The following CACNA1C variants were observed in gnomAD, a reference collection of about 807,000 sequenced individuals.
CACNA1C encodes voltage-dependent L-type calcium channel subunit alpha-1C.
In CACNA1C, 30 loss-of-function variants were observed where a neutral mutation model predicts 229.0. The ratio of observed to expected loss-of-function variants is 0.13; its 90% CI spans 0.10 to 0.18. The LOEUF (loss-of-function observed/expected upper bound fraction) is 0.18. Ranked by LOEUF, CACNA1C falls within the 10% of genes least tolerant of loss-of-function variation. The pLI is 1.00. For missense variants in CACNA1C, 1,658 were observed against 2,845.0 expected (o/e 0.58, Z 9.49); for synonymous variants, 1,114 against 1,132.5 (o/e 0.98, Z 0.33).
chr12:2,211,982 A>G (rs1206343489), intron 3 of CACNA1C, among the ~76,000 whole-genome samples: 1 of 151,886 alleles, frequency 6.6e-6, no homozygotes, highest in African/African-American at 2.4e-5. Context: ...CAGCCTCCCA[A>G]CGTGCTGGGA....
intron 5 of CACNA1C, among the ~76,000 whole-genome samples, chr12:2,474,646 C>A (rs2099613028): frequency 6.6e-6 from 1 of 151,772 alleles, no homozygotes; most frequent in African/African-American, 2.4e-5. Context: ...ATCCCAGTTG[C>A]TCGGGAGGCT....
chr12:2,675,730 C>A (rs988325827), intron 39 of CACNA1C, among the ~76,000 whole-genome samples: 1 of 152,160 alleles, frequency 6.6e-6, no homozygotes, highest in African/African-American at 2.4e-5. Context: ...ATGTTCCGAG[C>A]CCAGAGACTC....
chr12:2,349,945 A>G (rs2097157736), intron 3 of CACNA1C, among the ~76,000 whole-genome samples: 1 of 152,128 alleles, frequency 6.6e-6, no homozygotes, highest in Non-Finnish European at 1.5e-5. Context: ...GTATGTGTAG[A>G]TGTGGTTGCA....
At chr12:2,341,894 A>G (rs1195873189) in intron 3 of CACNA1C, among the ~76,000 whole-genome samples, 1 of 152,164 alleles carries the variant, frequency 6.6e-6, no homozygotes, top group African/African-American at 2.4e-5. Context: ...CCATCGGCAC[A>G]ACCCACATAG....
intron 1 of CACNA1C, among the ~76,000 whole-genome samples, chr12:2,023,608 CA>C (rs938177840): frequency 2.0e-5 from 3 of 152,134 alleles, no homozygotes; most frequent in African/African-American, 4.8e-5. Flanking sequence ...GCAGGTTTCA[CA>C]AAAGCAGGCA....
intron 3 of CACNA1C, among the ~76,000 whole-genome samples, chr12:2,281,392 T>A (rs1381476470): frequency 6.6e-6 from 1 of 152,192 alleles, no homozygotes; most frequent in Non-Finnish European, 1.5e-5. Flanking sequence ...TTTATGTAGA[T>A]CCACACTTCT....
Position 2,676,944 on chromosome 12 carries a change from T to C in CACNA1C, c.4829-150T>C, listed in dbSNP as rs1268992440. 4.8e-6 allele frequency: 3 copies of C among 623,736 alleles called. No homozygotes were observed. The African/African-American group carries it at 5.6e-5, about 12-fold the overall frequency. The allele number at this position is 623,736 out of a possible 1,614,324, so 38.6% of individuals were successfully genotyped here. On this transcript the variant is annotated intron_variant, in intron 39 of 46. Transcript: ENST00000399655. ...GACCATAAGCCTTTTTATGGTTTTT[T>C]TTCTCTCTTTTTAAGCCATGTGAAT...
At chr12:2,442,967 G>C (rs1246168365) in intron 3 of CACNA1C, among the ~76,000 whole-genome samples, 3 of 152,170 alleles carry the variant, frequency 2.0e-5, no homozygotes, top group African/African-American at 7.2e-5. Context: ...TCTAGGTGAA[G>C]TTATGCTCAA....
At chr12:2,214,454 C>T (rs181252168) in intron 3 of CACNA1C, among the ~76,000 whole-genome samples, 74 of 152,288 alleles carry the variant, frequency 4.9e-4, no homozygotes, top group Non-Finnish European at 9.4e-4. Context: ...GTTCTTACTA[C>T]GTGTGGTCAT....
At chr12:2,576,041 G>GT (rs1378238017) in intron 13 of CACNA1C, among the ~76,000 whole-genome samples, 4 of 152,196 alleles carry the variant, frequency 2.6e-5, no homozygotes, top group Non-Finnish European at 5.9e-5. Context: ...GAGGGAAAAG[G>GT]TAACAGAAGT....
At chr12:2,379,962 C>T (rs1478703259) in intron 3 of CACNA1C, among the ~76,000 whole-genome samples, 3 of 142,780 alleles carry the variant, frequency 2.1e-5, no homozygotes, top group African/African-American at 7.8e-5. Flanking sequence ...ACCCGGGAGG[C>T]GGAGCTTGCA....
intron 3 of CACNA1C, among the ~76,000 whole-genome samples, chr12:2,276,523 A>T (rs2088155294): frequency 1.3e-5 from 2 of 152,218 alleles, no homozygotes; most frequent in African/African-American, 4.8e-5. Flanking sequence ...GCTTCTCCTG[A>T]TTCTCCAGCG....
At chr12:2,450,365 T>TA (rs958198952) in intron 4 of CACNA1C, among the ~76,000 whole-genome samples, 1 of 151,406 alleles carries the variant, frequency 6.6e-6, no homozygotes. Flanking sequence ...CCATCCTGGC[T>TA]AACACGGTGA....
intron 3 of CACNA1C, among the ~76,000 whole-genome samples, chr12:2,265,732 G>T (rs991865628): frequency 6.6e-6 from 1 of 152,190 alleles, no homozygotes; most frequent in Non-Finnish European, 1.5e-5. Flanking sequence ...AGACGCGGGG[G>T]CTCCAGTGTG....
chr12:2,266,353 C>G (rs1278928478), intron 3 of CACNA1C, among the ~76,000 whole-genome samples: 1 of 152,232 alleles, frequency 6.6e-6, no homozygotes, highest in East Asian at 1.9e-4. Context: ...AATAATTAAG[C>G]TGAGCATATT....
intron 3 of CACNA1C, among the ~76,000 whole-genome samples, chr12:2,401,867 C>G (rs936665893): frequency 1.3e-5 from 2 of 152,308 alleles, no homozygotes; most frequent in Admixed American, 1.3e-4. Flanking sequence ...CTTTTGTACA[C>G]TTCTGAACAC....
At chr12:2,302,068 T>A (rs2094603582) in intron 3 of CACNA1C, among the ~76,000 whole-genome samples, 1 of 152,066 alleles carries the variant, frequency 6.6e-6, no homozygotes, top group African/African-American at 2.4e-5. Flanking sequence ...AAGAAAGAAG[T>A]GTTTGGGTTT....
intron 3 of CACNA1C, among the ~76,000 whole-genome samples, chr12:2,372,923 C>T (rs1001802839): frequency 6.6e-6 from 1 of 152,228 alleles, no homozygotes; most frequent in Non-Finnish European, 1.5e-5. Context: ...GGGGGCAGCC[C>T]CAGGAGAGGC....
chr12:2,411,169 G>A (rs939192886), intron 3 of CACNA1C, among the ~76,000 whole-genome samples: 1 of 152,100 alleles, frequency 6.6e-6, no homozygotes, highest in Admixed American at 6.6e-5. Context: ...TGAGCCCTGT[G>A]GGGTATCAGG....
Sources: gnomAD v4.1 joint callset for allele counts (sites outside exome capture counted in the v4.1 genomes callset) on GRCh38, gnomAD v4.1.1 for gene constraint, MANE v1.5 for transcripts, NCBI Gene and HGNC (gene_info 2026-07-23, HGNC 2026-07-21) for gene names.